The following FBXO47 variants were observed in gnomAD, a reference collection of about 807,000 sequenced individuals.
FBXO47 encodes the protein F-box only protein 47.
A neutral mutation model predicts 53.9 loss-of-function variants in FBXO47; 34 were observed. That is an observed-to-expected ratio of 0.63 (90% CI 0.48 to 0.84). FBXO47 has a LOEUF of 0.84. FBXO47 is among the 40% of genes least tolerant of loss of function. The pLI is 0.00. For missense variants in FBXO47, 485 were observed against 541.3 expected (o/e 0.90, Z 1.03); for synonymous variants, 165 against 181.6 (o/e 0.91, Z 0.73).
intron 5 of FBXO47, among the ~76,000 whole-genome samples, chr17:38,952,651 TA>T (rs1905353395): frequency 1.3e-5 from 2 of 152,060 alleles, no homozygotes; most frequent in Admixed American, 6.6e-5. Context: ...GTGAGGCAAG[TA>T]ACTAAAACCC....
intron 6 of FBXO47, among the ~76,000 whole-genome samples, chr17:38,948,325 G>A (rs1905043738): frequency 6.8e-6 from 1 of 147,454 alleles, no homozygotes; most frequent in African/African-American, 2.5e-5. Context: ...CGATGCTCCT[G>A]TCTCAGCCTC....
At chr17:38,959,724 C>T (rs1905734529) in intron 3 of FBXO47, among the ~76,000 whole-genome samples, 1 of 151,126 alleles carries the variant, frequency 6.6e-6, no homozygotes, top group African/African-American at 2.4e-5. Context: ...TGACTCACTT[C>T]AGCCTCAACC....
intron 1 of FBXO47, among the ~76,000 whole-genome samples, chr17:38,965,925 A>G (rs1159197644): frequency 6.6e-6 from 1 of 151,696 alleles, no homozygotes; most frequent in Non-Finnish European, 1.5e-5. Flanking sequence ...ACTTTACACA[A>G]TACAGCTAAA....
At chr17:38,943,554 T>G in intron 8 of FBXO47, 36 bp downstream of exon 8, 1 of 1,319,730 alleles carries the variant, frequency 7.6e-7, no homozygotes, top group Non-Finnish European at 1.0e-6. Flanking sequence ...TAACAATAAA[T>G]TTCTATTATT....
intron 6 of FBXO47, among the ~76,000 whole-genome samples, chr17:38,946,036 TAAATATATATA>T (rs1181745629): frequency 8.9e-6 from 1 of 112,832 alleles, no homozygotes; most frequent in African/African-American, 3.9e-5. Flanking sequence ...AAAATATATA[TAAATATATATA>T]AAATATATAA....
At chr17:38,954,091 G>C (rs916312474) in intron 5 of FBXO47, among the ~76,000 whole-genome samples, 2 of 152,010 alleles carry the variant, frequency 1.3e-5, no homozygotes, top group African/African-American at 4.8e-5. Context: ...TCAGGAGTTC[G>C]AGACCAGCCT....
At position 38,966,442 on chromosome 17, in the gene FBXO47, C is replaced by G. The variant is rs554915764; in HGVS notation, c.-27+787G>C. Reference sequence around the variant, plus strand: ...GTCTCGATTTCCTGACCTCGTGATCCGCCTGCCCCGGCCTCCCAAAGTGCT... The same window carrying G: ...GTCTCGATTTCCTGACCTCGTGATCGGCCTGCCCCGGCCTCCCAAAGTGCT... On this transcript the variant is annotated intron_variant, in intron 1 of 10. Transcript: ENST00000378079. 2.0e-5 allele frequency among the ~76,000 whole-genome samples: 3 copies of G among 152,266 alleles called. No homozygotes were observed. The East Asian group carries it at 5.8e-4, about 29-fold the overall frequency.
rs879621753 is a variant in FBXO47 at position 38,967,210 on chromosome 17, A to G, written c.-27+19T>C. On this transcript the variant is annotated intron_variant, in intron 1 of 10. Transcript: ENST00000378079. The stretch of plus-strand genomic sequence containing the variant: ...GAAATTATCGCAATAAAATACTGGG[A>G]AAAAAAACCCTCTTTTACCACAGAT... The G allele has an allele frequency of 7.2e-5, 11 of 152,014 alleles. No homozygotes were observed. Among genetic ancestry groups the G allele is most frequent in the Middle Eastern group, 3.4e-3 (1 of 294 alleles). 9.4% of individuals were successfully genotyped at this position (152,014 alleles called of 1,614,324 possible).
At chr17:38,959,305 G>A (rs1237218176) in intron 3 of FBXO47, among the ~76,000 whole-genome samples, 6 of 151,890 alleles carry the variant, frequency 4.0e-5, no homozygotes, top group Non-Finnish European at 5.9e-5. Context: ...ATAATTGGCC[G>A]AGTACGGTGG....
chr17:38,966,025 G>A (rs1049627136), intron 1 of FBXO47, among the ~76,000 whole-genome samples: 1 of 151,994 alleles, frequency 6.6e-6, no homozygotes, highest in Non-Finnish European at 1.5e-5. Context: ...TAACAAAAAA[G>A]AGGGATCACT....
chr17:38,956,730 T>C (rs1905575558), intron 4 of FBXO47, among the ~76,000 whole-genome samples: 1 of 152,140 alleles, frequency 6.6e-6, no homozygotes, highest in Non-Finnish European at 1.5e-5. Context: ...TGCCCAAACA[T>C]ATTAATACAC....
At position 38,962,970 on chromosome 17, in the gene FBXO47, C is replaced by T. The variant is rs200628064; in HGVS notation, c.56G>A (p.Arg19His). ...FTLIPNQKLRRSNRQTSCYSK... is the reference protein window; with the variant it reads ...FTLIPNQKLRHSNRQTSCYSK... ...ATAACAGCTGGTTTGACGATTACTA[C>T]GTCTAAGTTTCTGGTTGGGAATCAA... The change falls in exon 2 of 11, where the codon CGT (arginine) becomes CAT (histidine). Residue 19 changes from arginine to histidine, a missense_variant. By Grantham distance (29) the Arg-to-His change is conservative. Transcript: ENST00000378079. 521 of 1,612,160 alleles carry T rather than the reference C, an allele frequency of 3.2e-4. 3 individuals carry two copies. Among genetic ancestry groups the T allele is most frequent in the South Asian group, 1.9e-3 (173 of 90,916 alleles).
At chr17:38,941,605 TAA>T in intron 9 of FBXO47, among the ~76,000 whole-genome samples, 2 of 104,510 alleles carry the variant, frequency 1.9e-5, no homozygotes, top group South Asian at 7.5e-4. Flanking sequence ...AAATGAATAT[TAA>T]ATAAATATAA....
intron 5 of FBXO47, among the ~76,000 whole-genome samples, chr17:38,954,342 T>A (rs934984381): frequency 1.3e-5 from 2 of 151,986 alleles, no homozygotes; most frequent in Non-Finnish European, 2.9e-5. Context: ...AATTAGTCAA[T>A]ACATGTAAAC....
chr17:38,950,438 C>T (rs987854174), intron 6 of FBXO47, among the ~76,000 whole-genome samples: 1 of 149,776 alleles, frequency 6.7e-6, no homozygotes, highest in Non-Finnish European at 1.5e-5. Flanking sequence ...GGCTGGAGTG[C>T]AGTGACTGGA....
At chr17:38,953,275 C>T (rs1389687649) in intron 5 of FBXO47, among the ~76,000 whole-genome samples, 3 of 151,380 alleles carry the variant, frequency 2.0e-5, no homozygotes, top group Admixed American at 6.6e-5. Context: ...GCTGAAATCA[C>T]GCGACTGTAC....
In FBXO47 at chr17:38,959,550, A is replaced by G. The variant is rs187332895; in HGVS notation, c.353-2297T>C. Among the ~76,000 whole-genome samples the G allele has an allele frequency of 3.5e-5, 5 of 143,248 alleles. No homozygotes were observed. In the East Asian group the frequency reaches 1.1e-3, roughly 31 times the overall value. 94.0% of individuals were successfully genotyped at this position (143,248 alleles called of 152,430 possible). A position where few individuals can be genotyped will look rare whatever the true frequency, so the allele number is the denominator to read the frequency against. On this transcript the variant is annotated intron_variant, in intron 3 of 10. Transcript: ENST00000378079. ...AGCCGAGGCTGTGCCATTGCACTCCAGTCTGGGCAACAGAGTGAGACTCTG... is the reference window on the plus strand; with the variant it reads ...AGCCGAGGCTGTGCCATTGCACTCCGGTCTGGGCAACAGAGTGAGACTCTG...
At chr17:38,956,954 CTTAG>C (rs1299775168) in intron 4 of FBXO47, among the ~76,000 whole-genome samples, 2 of 152,006 alleles carry the variant, frequency 1.3e-5, no homozygotes, top group African/African-American at 2.4e-5. Context: ...GAATGATGTG[CTTAG>C]TTATATATGA....
chr17:38,963,802 G>GTTTT (rs377210713), intron 1 of FBXO47, among the ~76,000 whole-genome samples: 9 of 128,634 alleles, frequency 7.0e-5, no homozygotes, highest in Non-Finnish European at 1.1e-4. Context: ...TTGTTTTGTT[G>GTTTT]TTTTTTTTTT....
Sources: allele counts gnomAD v4.1 joint callset (sites outside exome capture counted in the v4.1 genomes callset), GRCh38; gene constraint gnomAD v4.1.1; transcripts MANE v1.5; gene names NCBI Gene and HGNC (gene_info 2026-07-23, HGNC 2026-07-21).